The following OSBPL10 variants were observed in gnomAD, a reference collection of about 807,000 sequenced individuals.
The protein encoded by OSBPL10 is oxysterol binding protein like 10.
Under a neutral mutation model 81.7 loss-of-function variants are expected in OSBPL10, and 49 were observed. That is an observed-to-expected ratio of 0.60 (90% CI 0.48 to 0.76). The LOEUF (loss-of-function observed/expected upper bound fraction) is 0.76. Among genes scored for constraint, OSBPL10 ranks in the 30% least tolerant of loss-of-function variants. The pLI is 0.00. For synonymous variants in OSBPL10, 419 were observed against 383.6 expected (o/e 1.09, Z -1.08); for missense variants, 923 against 987.8 (o/e 0.93, Z 0.88).
Position 31,683,643 on chromosome 3 carries a change from T to C in OSBPL10, c.1717A>G (p.Ile573Val), listed in dbSNP as rs988637424. The C allele has an allele frequency of 7.5e-6, 12 of 1,610,634 alleles. No individual in the cohort carries two copies. Among genetic ancestry groups the C allele is most frequent in the Non-Finnish European group, 1.0e-5 (12 of 1,177,260 alleles). ...ATACGACATGGCTTACCTTCCCCTA[T>C]CATAGAGACCCCCACGGACATGCCC... is the stretch of plus-strand genomic sequence containing the variant. ...FMGMSVGVSMIGEGVLRLLEH... is the reference protein window; with the variant it reads ...FMGMSVGVSMVGEGVLRLLEH... The change falls in exon 8 of 12, where the codon ATA (isoleucine) becomes GTA (valine). Residue 573 changes from isoleucine to valine, a missense_variant. Around this residue, in one of 3 missense-constraint regions of OSBPL10, gnomAD observed 387 missense variants for 436.3 expected, o/e 0.89. Coordinates refer to ENST00000396556, the MANE Select transcript of OSBPL10 (RefSeq NM_017784.5).
chr3:31,797,904 C>T lies in OSBPL10; in HGVS notation c.729+32136G>A, dbSNP rs1206462813. The T allele has an allele frequency of 2.6e-5, 11 of 426,116 alleles. No individual in the cohort carries two copies. The Admixed American group carries it at 2.7e-4, about 11-fold the overall frequency. The allele number at this position is 426,116 out of a possible 1,614,324, so 26.4% of individuals were successfully genotyped here. On this transcript the variant is annotated intron_variant, in intron 4 of 11. Transcript: ENST00000396556. ...AATAGCTATGGTTCTTTCTAGCACT[C>T]TCAACCTGGAACCCACTACATTTAC...
At chr3:31,686,469 T>C (rs1211729702) in intron 7 of OSBPL10, among the ~76,000 whole-genome samples, 1 of 152,180 alleles carries the variant, frequency 6.6e-6, no homozygotes, top group Admixed American at 6.5e-5. Flanking sequence ...AGCAGCCAGA[T>C]GTAAAATTGA....
intron 2 of OSBPL10, among the ~76,000 whole-genome samples, chr3:32,010,383 AT>A (rs1350031384): frequency 6.6e-6 from 1 of 152,154 alleles, no homozygotes; most frequent in Non-Finnish European, 1.5e-5. Context: ...CTAATACAGG[AT>A]TCAAAAGCCA....
intron 5 of OSBPL10, 46 bp downstream of exon 5, chr3:31,747,864 G>A (rs749283181): frequency 6.4e-7 from 1 of 1,554,084 alleles, no homozygotes; most frequent in Non-Finnish European, 8.9e-7. Flanking sequence ...CACAGACACA[G>A]TGTGTGTACT....
intron 4 of OSBPL10, among the ~76,000 whole-genome samples, chr3:31,761,821 A>AAAAAAAAAAAC (rs1559453502): frequency 7.2e-4 from 99 of 138,072 alleles, no homozygotes; most frequent in South Asian, 3.8e-3. Context: ...TCTAAAAAAA[A>AAAAAAAAAAAC]AAAAAAAAAA....
intron 2 of OSBPL10, among the ~76,000 whole-genome samples, chr3:32,035,907 A>G (rs1410875865): frequency 6.6e-6 from 1 of 152,170 alleles, no homozygotes. Context: ...AACTGTTTTC[A>G]TCTTCCCAAA....
intron 1 of OSBPL10, chr3:31,919,591 C>T (rs1696854607): frequency 6.6e-6 from 1 of 152,194 alleles, no homozygotes; most frequent in African/African-American, 2.4e-5. Flanking sequence ...TCATCCCAAC[C>T]GGCTATCTCA....
intron 4 of OSBPL10, among the ~76,000 whole-genome samples, chr3:31,763,574 G>A (rs960623073): frequency 2.6e-5 from 4 of 152,178 alleles, no homozygotes; most frequent in African/African-American, 4.8e-5. Flanking sequence ...ACTTGAGCTT[G>A]ATAGCATATA....
intron 1 of OSBPL10, among the ~76,000 whole-genome samples, chr3:31,932,845 A>G (rs1403219580): frequency 6.6e-6 from 1 of 150,710 alleles, no homozygotes; most frequent in Non-Finnish European, 1.5e-5. Context: ...CTCATTAATC[A>G]AAGCAAAACA....
At chr3:31,718,132 T>A (rs1014199286) in intron 6 of OSBPL10, 1 of 152,068 alleles carries the variant, frequency 6.6e-6, no homozygotes, top group African/African-American at 2.4e-5. Flanking sequence ...CTTCTTCTTT[T>A]TTTTTTTTCT....
intron 2 of OSBPL10, among the ~76,000 whole-genome samples, chr3:32,003,049 G>A (rs372189848): frequency 3.9e-5 from 6 of 152,338 alleles, no homozygotes; most frequent in East Asian, 1.9e-4. Flanking sequence ...CTGGCCGAAC[G>A]AAAGTGGGAA....
intron 3 of OSBPL10, among the ~76,000 whole-genome samples, chr3:31,832,732 G>A (rs147583337): frequency 2.7e-4 from 41 of 152,252 alleles, no homozygotes; most frequent in African/African-American, 8.7e-4. Context: ...ATCTCATCAC[G>A]GCAGGATGTT....
chr3:31,940,005 G>A (rs1325314897), intron 1 of OSBPL10, among the ~76,000 whole-genome samples: 1 of 152,182 alleles, frequency 6.6e-6, no homozygotes, highest in East Asian at 1.9e-4. Context: ...ATAGGCATAA[G>A]CCACTATACC....
intron 1 of OSBPL10, chr3:32,066,671 A>T (rs1317358398): frequency 6.6e-6 from 1 of 152,240 alleles, no homozygotes; most frequent in Non-Finnish European, 1.5e-5. Context: ...ATCAACAGAC[A>T]GTTTGCAACC....
At chr3:31,780,894 GAAC>G (rs1698678399) in intron 4 of OSBPL10, among the ~76,000 whole-genome samples, 1 of 148,924 alleles carries the variant, frequency 6.7e-6, no homozygotes. Context: ...GGCATTCAAA[GAAC>G]AACTGGTACC....
rs558308903 is a variant in OSBPL10 at position 31,675,554 on chromosome 3, G to A, written c.1727-4571C>T. 3.9e-5 allele frequency among the ~76,000 whole-genome samples: 6 copies of A among 152,294 alleles called. No homozygotes were observed. In the East Asian group the frequency reaches 5.8e-4, roughly 15 times the overall value. On this transcript the variant is annotated intron_variant, in intron 8 of 11. Transcript: ENST00000396556. Reference sequence around the variant, plus strand: ...TCTAAACTCAGCTAACAGCACTGCAGCATGGCACACTGCCAAAATCCTGAA... The same window carrying A: ...TCTAAACTCAGCTAACAGCACTGCAACATGGCACACTGCCAAAATCCTGAA...
At chr3:31,963,387 T>C (rs1278678353) in intron 1 of OSBPL10, among the ~76,000 whole-genome samples, 1 of 152,212 alleles carries the variant, frequency 6.6e-6, no homozygotes, top group Non-Finnish European at 1.5e-5. Context: ...AAGGACATTT[T>C]CTTATAGAAC....
chr3:31,778,736 T>A (rs116802500), intron 4 of OSBPL10, among the ~76,000 whole-genome samples: 1 of 151,908 alleles, frequency 6.6e-6, no homozygotes, highest in Non-Finnish European at 1.5e-5. Flanking sequence ...AAAAAAATAA[T>A]AATAATAATC....
intron 4 of OSBPL10, among the ~76,000 whole-genome samples, chr3:31,789,934 C>T (rs911583801): frequency 6.6e-6 from 1 of 150,916 alleles, no homozygotes; most frequent in African/African-American, 2.5e-5. Context: ...ATGTCCACTA[C>T]AATCATGACA....
Sources: gnomAD v4.1 joint callset for allele counts (sites outside exome capture counted in the v4.1 genomes callset) on GRCh38, gnomAD v4.1.1 for gene constraint, gnomAD v4.1.1 regional missense constraint, MANE v1.5 for transcripts, NCBI Gene and HGNC (gene_info 2026-07-23, HGNC 2026-07-21) for gene names.